ZHX2: variants seen among roughly 807,000 people sequenced by gnomAD.
ZHX2 encodes the protein zinc fingers and homeoboxes protein 2.
ZHX2 carries 6 observed loss-of-function variants against 21.9 expected under a neutral mutation model. The observed-to-expected ratio is 0.27, with a 90% CI of 0.15 to 0.54. The LOEUF is 0.54. ZHX2 is among the 20% of genes least tolerant of loss of function. ZHX2 has a pLI of 0.95. For missense variants in ZHX2, 908 were observed against 1,090.7 expected (o/e 0.83, Z 2.36); for synonymous variants, 434 against 437.1 (o/e 0.99, Z 0.09).
At chr8:122,916,971 C>T (rs1820619592) in intron 2 of ZHX2, among the ~76,000 whole-genome samples, 1 of 152,140 alleles carries the variant, frequency 6.6e-6, no homozygotes, top group African/African-American at 2.4e-5. Context: ...GACCCACATT[C>T]ACAACTGTGC....
At chr8:122,861,643 C>T (rs1819170918) in intron 1 of ZHX2, among the ~76,000 whole-genome samples, 1 of 152,150 alleles carries the variant, frequency 6.6e-6, no homozygotes, top group Admixed American at 6.5e-5. Flanking sequence ...TCAGGAGCAG[C>T]TAGACTATAC....
intron 2 of ZHX2, among the ~76,000 whole-genome samples, chr8:122,890,449 T>C (rs773592487): frequency 1.1e-4 from 17 of 152,198 alleles, no homozygotes; most frequent in Non-Finnish European, 2.1e-4. Context: ...TGGGGTCTTT[T>C]GTGATTCCAT....
rs551066476 is a variant in ZHX2, at chr8:122,831,928, C to T, written c.-282-31549C>T. On this transcript the variant is annotated intron_variant, in intron 1 of 3. Coordinates refer to ENST00000314393, the MANE Select transcript of ZHX2 (RefSeq NM_014943.5). ...CAGCTTCTTGGGAGGTGGTGCCTAG[C>T]GGGAGGAGATTGGCTTCAATAGTGT... 7.2e-5 allele frequency among the ~76,000 whole-genome samples: 11 copies of T among 152,206 alleles called. No homozygotes were observed. In the South Asian group the frequency reaches 1.5e-3, roughly 20 times the overall value.
At chr8:122,927,715 C>T (rs1227095638) in intron 2 of ZHX2, among the ~76,000 whole-genome samples, 1 of 152,202 alleles carries the variant, frequency 6.6e-6, no homozygotes, top group Non-Finnish European at 1.5e-5. Flanking sequence ...GAAAGACCCA[C>T]CCCTGTGATT....
rs144192893 is a variant in ZHX2 at position 122,847,243 on chromosome 8, T to G, written c.-282-16234T>G. Among the ~76,000 whole-genome samples, 416 of 152,084 alleles carry G rather than the reference T, an allele frequency of 2.7e-3. 2 individuals are homozygous for G. Among genetic ancestry groups the G allele is most frequent in the Non-Finnish European group, 4.2e-3 (285 of 67,966 alleles). On this transcript the variant is annotated intron_variant, in intron 1 of 3. Transcript: ENST00000314393. ...CGTCCTCTGTGTGAGCTTCCCCACC[T>G]CTCCCCCAGCCAGAAATCTCTGCAC...
intron 3 of ZHX2, among the ~76,000 whole-genome samples, chr8:122,957,359 C>T (rs1247378455): frequency 1.3e-5 from 2 of 151,638 alleles, no homozygotes; most frequent in Admixed American, 1.3e-4. Context: ...AAATGCCCCA[C>T]CTGTGAGCTA....
intron 1 of ZHX2, among the ~76,000 whole-genome samples, chr8:122,809,673 C>T (rs142228788): frequency 0.016 from 2,436 of 152,184 alleles, 34 homozygotes; most frequent in South Asian, 0.061. Flanking sequence ...TGAGGGGACC[C>T]GAACCACACC....
chr8:122,839,432 C>A (rs560237321), intron 1 of ZHX2, among the ~76,000 whole-genome samples: 11 of 152,294 alleles, frequency 7.2e-5, no homozygotes, highest in African/African-American at 2.6e-4. Context: ...GAGGCCTGCC[C>A]GGCTCGTATC....
intron 2 of ZHX2, among the ~76,000 whole-genome samples, chr8:122,877,669 C>T (rs954013474): frequency 2.0e-4 from 31 of 152,224 alleles, no homozygotes; most frequent in African/African-American, 7.5e-4. Flanking sequence ...ACGGGAACCT[C>T]GCTGGGGAGG....
intron 1 of ZHX2, among the ~76,000 whole-genome samples, chr8:122,788,517 T>C (rs1032483257): frequency 6.6e-6 from 1 of 152,166 alleles, no homozygotes; most frequent in Non-Finnish European, 1.5e-5. Flanking sequence ...CAGTAAGCCA[T>C]GATCACGTCA....
intron 1 of ZHX2, among the ~76,000 whole-genome samples, chr8:122,796,841 C>A (rs1457879258): frequency 6.6e-6 from 1 of 152,060 alleles, no homozygotes; most frequent in Non-Finnish European, 1.5e-5. Flanking sequence ...TTTGAAAAAG[C>A]GGGAAAATGT....
At chr8:122,875,794 ACT>A (rs1023907330) in intron 2 of ZHX2, among the ~76,000 whole-genome samples, 1 of 152,146 alleles carries the variant, frequency 6.6e-6, no homozygotes, top group Non-Finnish European at 1.5e-5. Flanking sequence ...AGGCAGCCTG[ACT>A]CTGAATTTTT....
intron 1 of ZHX2, among the ~76,000 whole-genome samples, chr8:122,826,947 A>G (rs947394227): frequency 1.3e-5 from 2 of 152,346 alleles, no homozygotes; most frequent in Middle Eastern, 3.4e-3. Context: ...TAGGTTGAAC[A>G]GGGTTCCTAG....
chr8:122,935,146 T>C (rs1047714146), intron 2 of ZHX2, among the ~76,000 whole-genome samples: 1 of 151,250 alleles, frequency 6.6e-6, no homozygotes, highest in African/African-American at 2.5e-5. Flanking sequence ...CTTTTTTTCC[T>C]CTCTCTGTGT....
chr8:122,902,008 T>G (rs901051998), intron 2 of ZHX2, among the ~76,000 whole-genome samples: 9 of 151,244 alleles, frequency 6.0e-5, no homozygotes, highest in African/African-American at 2.2e-4. Context: ...GAAGCCCCAG[T>G]CCTATGCTAC....
Position 122,875,965 on chromosome 8 carries a change from GC to G in ZHX2, c.-220+12427del, listed in dbSNP as rs201934864. Among the ~76,000 whole-genome samples the G allele has an allele frequency of 8.8e-3, 1,344 of 152,222 alleles. 11 individuals are homozygous for G. Among genetic ancestry groups the G allele is most frequent in the Middle Eastern group, 0.02 (6 of 294 alleles). Reference sequence around the variant, plus strand: ...GAAAAATAGAAGAGCTTTCAAAACAGCTCTGACACAGACATCTATAATTTGG... The same window carrying G: ...GAAAAATAGAAGAGCTTTCAAAACAGTCTGACACAGACATCTATAATTTGG... On this transcript the variant is annotated intron_variant, in intron 2 of 3. Transcript: ENST00000314393.
At chr8:122,784,776 C>T (rs536908133) in intron 1 of ZHX2, among the ~76,000 whole-genome samples, 1 of 152,298 alleles carries the variant, frequency 6.6e-6, no homozygotes, top group African/African-American at 2.4e-5. Context: ...TCATTCTCTC[C>T]TTTTTCTAGA....
intron 2 of ZHX2, among the ~76,000 whole-genome samples, chr8:122,910,823 G>A (rs1820461467): frequency 6.6e-6 from 1 of 152,108 alleles, no homozygotes; most frequent in Non-Finnish European, 1.5e-5. Flanking sequence ...AACCCAGGAA[G>A]TGGGGCCATG....
intron 2 of ZHX2, among the ~76,000 whole-genome samples, chr8:122,891,601 C>T (rs1168375025): frequency 1.3e-5 from 2 of 151,782 alleles, no homozygotes; most frequent in Non-Finnish European, 2.9e-5. Flanking sequence ...TTGCTGTATC[C>T]CATAGGTTTT....
Sources: gnomAD v4.1 joint callset for allele counts (sites outside exome capture counted in the v4.1 genomes callset) on GRCh38, gnomAD v4.1.1 for gene constraint, MANE v1.5 for transcripts, NCBI Gene and HGNC (gene_info 2026-07-23, HGNC 2026-07-21) for gene names.